AGAP3: variants seen among roughly 807,000 people sequenced by gnomAD.
AGAP3 encodes arf-GAP with GTPase, ANK repeat and PH domain-containing protein 3.
In AGAP3, 24 loss-of-function variants were observed where a neutral mutation model predicts 96.9. That is an observed-to-expected ratio of 0.25 (90% CI 0.18 to 0.35). The LOEUF (loss-of-function observed/expected upper bound fraction) is 0.35. Ranked by LOEUF, AGAP3 falls within the 10% of genes least tolerant of loss-of-function variation. The pLI is 1.00. For synonymous variants in AGAP3, 563 were observed against 536.1 expected (o/e 1.05, Z -0.69); for missense variants, 876 against 1,254.2 (o/e 0.70, Z 4.55).
At position 151,141,438 on chromosome 7, in the gene AGAP3, G is replaced by GGCTTATT. The variant is rs1800808925; in HGVS notation, c.1805-460_1805-459insGCTTATT. 2 of 170,856 alleles carry GGCTTATT rather than the reference G, an allele frequency of 1.2e-5. No individual in the cohort carries two copies. Among genetic ancestry groups the GGCTTATT allele is most frequent in the African/African-American group, 4.8e-5 (2 of 41,870 alleles). The allele number at this position is 170,856 out of a possible 1,614,324, so 10.6% of individuals were successfully genotyped here. Reference sequence around the variant, plus strand: ...AGGAGCCCCACGCTGACGCCGTCAGGAATATTGGGTTTAATGAGCTGCAAA... The same window carrying GGCTTATT: ...AGGAGCCCCACGCTGACGCCGTCAGGGCTTATTAATATTGGGTTTAATGAGCTGCAAA... On this transcript the variant is annotated intron_variant, in intron 13 of 17. Transcript: ENST00000397238. The surrounding 1 kb of genome is among the most constrained non-coding windows in gnomAD (Gnocchi z 4.2).
intron 1 of AGAP3, among the ~76,000 whole-genome samples, chr7:151,111,661 T>C (rs1799291900): frequency 6.6e-6 from 1 of 152,108 alleles, no homozygotes; most frequent in Admixed American, 6.5e-5. Flanking sequence ...AGAGTCGGCT[T>C]CTCCTCCTGA....
intron 1 of AGAP3, among the ~76,000 whole-genome samples, chr7:151,111,152 C>A (rs143627251): frequency 6.6e-6 from 1 of 152,182 alleles, no homozygotes; most frequent in Admixed American, 6.5e-5. Flanking sequence ...GGCTCAGTGG[C>A]GGGTGTGTGG....
Position 151,141,920 on chromosome 7 carries a change from T to C in AGAP3, c.1827T>C (p.Phe609=), listed in dbSNP as rs1372489423. The change falls in exon 14 of 18, where the codon TTT becomes TTC. Residue 609 remains phenylalanine (F), a synonymous_variant. Transcript: ENST00000397238. This position sits in a 1 kb window ranked among gnomAD's most constrained non-coding sequence, Gnocchi z 4.2. ...ATEEAEESFE[F]VVVSLTGQTW... ...CAGAGGCAGAGGAGTCGTTTGAATT[T>C]GTGGTGGTGTCCCTCACTGGGCAGA... 5.0e-6 allele frequency: 8 copies of C among 1,614,090 alleles called. No homozygotes were observed.
intron 4 of AGAP3, 72 bp from the exon 5 acceptor site, chr7:151,117,549 GGAGAAGGGTCTACTT>G (rs1799654540): frequency 6.2e-7 from 1 of 1,612,262 alleles, no homozygotes; most frequent in African/African-American, 1.3e-5. Context: ...GTATGTCCAG[GGAGAAGGGTCTACTT>G]GAGTTCACCT....
rs1385682515 is a variant in AGAP3 at position 151,142,949 on chromosome 7, G to A, written c.2273+315G>A. On this transcript the variant is annotated intron_variant, in intron 16 of 17. Transcript: ENST00000397238. The surrounding 1 kb of genome is among the most constrained non-coding windows in gnomAD (Gnocchi z 7.5). ...AGATGGGGAGAATGGGTGAGAGATA[G>A]GGGAGTGTGTGGCCCCCCAGTGCAG... Among the ~76,000 whole-genome samples, 1 of 152,196 alleles carries A rather than the reference G, an allele frequency of 6.6e-6. No homozygotes were observed. Among genetic ancestry groups the A allele is most frequent in the African/African-American group, 2.4e-5 (1 of 41,444 alleles).
chr7:151,095,540 C>A (rs866430785), intron 1 of AGAP3, among the ~76,000 whole-genome samples: 1 of 151,882 alleles, frequency 6.6e-6, no homozygotes, highest in African/African-American at 2.4e-5. Flanking sequence ...GAGGGAGGAC[C>A]GAAAAGTCTA....
rs114381920 is a variant in AGAP3 at position 151,088,530 on chromosome 7, C to T, written c.331+1458C>T. 1.4e-4 allele frequency among the ~76,000 whole-genome samples: 21 copies of T among 152,324 alleles called. No homozygotes were observed. The East Asian group carries it at 4.0e-3, about 29-fold the overall frequency. On this transcript the variant is annotated intron_variant, in intron 1 of 17. Transcript: ENST00000397238. ...AAGAGGGTGGAGGCGGGAGAGACAT[C>T]GTTGCTGCAGCTTCACTGTCCTTGG...
chr7:151,120,498 CT>C (rs1447845419), intron 8 of AGAP3: 2 of 700,346 alleles, frequency 2.9e-6, no homozygotes, highest in Non-Finnish European at 4.7e-6. Context: ...CCTAACTCCC[CT>C]GACCCCCTTT....
In AGAP3 at chr7:151,114,924, G is replaced by C. The variant is rs1268658181; in HGVS notation, c.332-1869G>C. The C allele has an allele frequency of 1.0e-6, 1 of 988,108 alleles. No homozygotes were observed. Among genetic ancestry groups the C allele is most frequent in the South Asian group, 4.6e-5 (1 of 21,770 alleles). 61.2% of individuals were successfully genotyped at this position (988,108 alleles called of 1,614,324 possible). On this transcript the variant is annotated intron_variant, in intron 1 of 17. Transcript: ENST00000397238. This position sits in a 1 kb window ranked among gnomAD's most constrained non-coding sequence, Gnocchi z 4.4. The stretch of plus-strand genomic sequence containing the variant: ...GCAGGCCGCCCTCTGCGCCGCCAGT[G>C]AGCAGCCGGCGCGGCCGCGGAGCGT...
intron 8 of AGAP3, chr7:151,123,384 GGT>G: frequency 9.4e-7 from 1 of 1,069,140 alleles, no homozygotes; most frequent in Non-Finnish European, 1.1e-6. Flanking sequence ...CGTGCCGTGT[GGT>G]GTCTGTGCCG....
At chr7:151,119,098 T>C (rs1224581223) in intron 7 of AGAP3, 1 of 189,350 alleles carries the variant, frequency 5.3e-6, no homozygotes, top group Non-Finnish European at 1.1e-5. Flanking sequence ...CGTTCCCATG[T>C]GGGAAAAAGG....
intron 1 of AGAP3, among the ~76,000 whole-genome samples, chr7:151,104,970 C>T (rs559004236): frequency 1.1e-3 from 160 of 152,236 alleles, no homozygotes; most frequent in African/African-American, 3.6e-3. Flanking sequence ...CCTGGCGGGG[C>T]GGTTTGGTGT....
rs2150538367 is a variant in AGAP3, at chr7:151,142,568, C to A, written c.2207C>A (p.Ala736Asp). 1 of 1,613,610 alleles carries A rather than the reference C, an allele frequency of 6.2e-7. No individual in the cohort carries two copies. The highest frequency in any genetic ancestry group is 1.7e-4 in the Middle Eastern group (1 of 6,026). Residue 736 changes from alanine (A) to aspartate (D), a missense_variant, in exon 16 of 18, where the codon GCC (alanine) becomes GAC (aspartate). Transcript: ENST00000397238. This position sits in a 1 kb window ranked among gnomAD's most constrained non-coding sequence, Gnocchi z 7.5. Reference sequence around the variant, plus strand: ...GCTGTCATGACTGCCATGGGCAATGCCCTCGCCAACAGCGTCTGGGAGGGG... The same window carrying A: ...GCTGTCATGACTGCCATGGGCAATGACCTCGCCAACAGCGTCTGGGAGGGG... Reference protein sequence around the residue: ...LLAVMTAMGNALANSVWEGAL... With the variant: ...LLAVMTAMGNDLANSVWEGAL...
chr7:151,136,059 C>T (rs1800580789), intron 11 of AGAP3, among the ~76,000 whole-genome samples: 1 of 152,194 alleles, frequency 6.6e-6, no homozygotes, highest in African/African-American at 2.4e-5. Flanking sequence ...GTTGTACTGG[C>T]CTGATGGCAG....
chr7:151,101,531 G>T (rs943006438), intron 1 of AGAP3, among the ~76,000 whole-genome samples: 1 of 152,184 alleles, frequency 6.6e-6, no homozygotes, highest in South Asian at 2.1e-4. Flanking sequence ...CCCTCGAGGG[G>T]TGGAAGCCAG....
At position 151,143,950 on chromosome 7, in the gene AGAP3, G is replaced by C. The variant is rs1800925040; in HGVS notation, c.*7G>C. 6.2e-7 allele frequency: 1 copy of C among 1,613,308 alleles called. No homozygotes were observed. The highest frequency in any genetic ancestry group is 8.5e-7 in the Non-Finnish European group (1 of 1,179,494). On this transcript the variant is annotated 3_prime_UTR_variant, in exon 18 of 18. Coordinates refer to ENST00000397238, the MANE Select transcript of AGAP3 (RefSeq NM_031946.7). The surrounding 1 kb of genome is among the most constrained non-coding windows in gnomAD (Gnocchi z 5.9). The stretch of plus-strand genomic sequence containing the variant: ...TAGTCCTAGCCTCCTATAAGGCCCA[G>C]GAAGAGGGCAGAGGGGCCAGAAGGA...
chr7:151,090,158 G>A (rs1356363139), intron 1 of AGAP3: 7 of 151,968 alleles, frequency 4.6e-5, no homozygotes, highest in Non-Finnish European at 1.0e-4. Context: ...CCCAGTCGTT[G>A]TGTGCAGGTG....
Position 151,103,872 on chromosome 7 carries a change from C to T in AGAP3, c.332-12921C>T, listed in dbSNP as rs557585634. ...GAAGGCCCGAGTCCTGGAACCGTGA[C>T]GTGGGCTGGCTGGCGCTGGGTGTTT... On this transcript the variant is annotated intron_variant, in intron 1 of 17. Transcript: ENST00000397238. Among the ~76,000 whole-genome samples, 44 of 152,338 alleles carry T rather than the reference C, an allele frequency of 2.9e-4. 1 individual carries two copies. Among genetic ancestry groups the T allele is most frequent in the Non-Finnish European group, 4.9e-4 (33 of 68,034 alleles).
intron 11 of AGAP3, chr7:151,137,855 T>C: frequency 2.1e-6 from 1 of 466,552 alleles, no homozygotes; most frequent in Non-Finnish European, 3.8e-6. Context: ...ACCCAGCTCG[T>C]TCCACAAGTT....
Sources: allele counts gnomAD v4.1 joint callset (sites outside exome capture counted in the v4.1 genomes callset), GRCh38; gene constraint gnomAD v4.1.1; non-coding constraint Gnocchi (gnomAD v3.1); transcripts MANE v1.5; gene names NCBI Gene and HGNC (gene_info 2026-07-23, HGNC 2026-07-21).